The following MIS18A variants were observed in gnomAD, a reference collection of about 807,000 sequenced individuals.
The protein encoded by MIS18A is protein Mis18-alpha.
In MIS18A, 14 loss-of-function variants were observed where a neutral mutation model predicts 25.0. The ratio of observed to expected loss-of-function variants is 0.56; its 90% CI spans 0.37 to 0.88. The LOEUF (loss-of-function observed/expected upper bound fraction) is 0.88, where lower values mean the gene tolerates loss of function less well. MIS18A is among the 40% of genes least tolerant of loss of function. The pLI, the probability that MIS18A is intolerant of heterozygous loss-of-function variation, is 0.00. For synonymous variants in MIS18A, 134 were observed against 118.6 expected (o/e 1.13, Z -0.84); for missense variants, 292 against 290.8 (o/e 1.00, Z -0.03).
intron 2 of MIS18A, among the ~76,000 whole-genome samples, chr21:32,270,885 C>T (rs2031702652): frequency 1.3e-5 from 2 of 152,196 alleles, no homozygotes; most frequent in African/African-American, 4.8e-5. Flanking sequence ...CTCACCTCTG[C>T]CATTGTAAAA....
At chr21:32,210,838 T>C in the MIS18A span, among the ~76,000 whole-genome samples, 1,127 of 152,302 alleles carry the variant, frequency 7.4e-3, 25 homozygotes, top group South Asian at 0.066. Context: ...CACATCACCA[T>C]TCTTGCCTTC....
chr21:32,184,511 T>C, the MIS18A span, among the ~76,000 whole-genome samples: 1 of 151,632 alleles, frequency 6.6e-6, no homozygotes, highest in African/African-American at 2.4e-5. Flanking sequence ...TGTGGAAAGG[T>C]CATCTGAGAC....
chr21:32,234,382 A>G, the MIS18A span, among the ~76,000 whole-genome samples: 1 of 152,112 alleles, frequency 6.6e-6, no homozygotes. Context: ...TGTGCTTCCC[A>G]TAGTCCTAAT....
At chr21:32,222,702 C>A in the MIS18A span, among the ~76,000 whole-genome samples, 1 of 151,930 alleles carries the variant, frequency 6.6e-6, no homozygotes, top group Admixed American at 6.6e-5. Flanking sequence ...GAGGCCAAGG[C>A]GGGCGGGTCA....
At chr21:32,244,509 G>A in the MIS18A span, among the ~76,000 whole-genome samples, 1 of 152,136 alleles carries the variant, frequency 6.6e-6, no homozygotes, top group African/African-American at 2.4e-5. Flanking sequence ...GGCCAAGGTG[G>A]GAGGATCACT....
the MIS18A span, among the ~76,000 whole-genome samples, chr21:32,249,441 A>T: frequency 5.9e-5 from 9 of 152,316 alleles, no homozygotes; most frequent in Admixed American, 4.6e-4. Context: ...TGTTTCTATT[A>T]TACATAGCCA....
the MIS18A span, among the ~76,000 whole-genome samples, chr21:32,190,378 C>A: frequency 6.6e-6 from 1 of 152,156 alleles, no homozygotes; most frequent in East Asian, 1.9e-4. Flanking sequence ...TGGTTCCAAA[C>A]CTTTGTCTGT....
the MIS18A span, among the ~76,000 whole-genome samples, chr21:32,199,572 G>A: frequency 3.3e-5 from 5 of 152,156 alleles, no homozygotes; most frequent in South Asian, 1.0e-3. Context: ...CTTTGAGAGG[G>A]GGAGGCAGGC....
At chr21:32,241,368 TA>T in the MIS18A span, among the ~76,000 whole-genome samples, 3,311 of 88,358 alleles carry the variant, frequency 0.037, 45 homozygotes, top group Non-Finnish European at 0.053. Context: ...TAGCTGACAA[TA>T]AAAAAAAAAA....
chr21:32,242,954 AC>A, the MIS18A span, among the ~76,000 whole-genome samples: 1 of 152,232 alleles, frequency 6.6e-6, no homozygotes, highest in Non-Finnish European at 1.5e-5. Context: ...CTGGAAACAG[AC>A]CCACACAGAC....
At chr21:32,197,079 C>T in the MIS18A span, among the ~76,000 whole-genome samples, 7 of 151,996 alleles carry the variant, frequency 4.6e-5, no homozygotes, top group African/African-American at 9.7e-5. Context: ...ACCTATTGTA[C>T]GAAATGAACT....
the MIS18A span, among the ~76,000 whole-genome samples, chr21:32,210,750 G>C: frequency 0.069 from 10,541 of 152,160 alleles, 396 homozygotes; most frequent in Middle Eastern, 0.11. Context: ...ATTGTTAATA[G>C]AGGCATTAAA....
chr21:32,258,938 A>G, the MIS18A span, among the ~76,000 whole-genome samples: 2 of 152,002 alleles, frequency 1.3e-5, no homozygotes, highest in Non-Finnish European at 2.9e-5. Flanking sequence ...CAGTGGTAAG[A>G]TAACAGCTCA....
At chr21:32,248,951 G>A in the MIS18A span, among the ~76,000 whole-genome samples, 1 of 152,132 alleles carries the variant, frequency 6.6e-6, no homozygotes, top group Non-Finnish European at 1.5e-5. Context: ...GAAAAATGAA[G>A]AAAGGGCTCC....
the MIS18A span, among the ~76,000 whole-genome samples, chr21:32,251,079 T>C: frequency 6.6e-6 from 1 of 152,170 alleles, no homozygotes; most frequent in African/African-American, 2.4e-5. Flanking sequence ...AAGGACCTGT[T>C]TGCTTCCCCT....
At chr21:32,156,250 G>C in the MIS18A span, among the ~76,000 whole-genome samples, 32,810 of 152,124 alleles carry the variant, frequency 0.22, 4,371 homozygotes, top group Non-Finnish European at 0.31. Flanking sequence ...CTGCTTATTA[G>C]GTAGCAAGAT....
At chr21:32,220,162 C>G in the MIS18A span, among the ~76,000 whole-genome samples, 1 of 152,238 alleles carries the variant, frequency 6.6e-6, no homozygotes, top group Non-Finnish European at 1.5e-5. Flanking sequence ...GGGTCCCTGA[C>G]TCCTATGCCT....
At chr21:32,164,479 AGT>A in the MIS18A span, among the ~76,000 whole-genome samples, 3 of 152,210 alleles carry the variant, frequency 2.0e-5, no homozygotes, top group Non-Finnish European at 4.4e-5. Context: ...TATTTAATAT[AGT>A]GTGTTACCCC....
At chr21:32,195,744 G>A in the MIS18A span, among the ~76,000 whole-genome samples, 1 of 152,080 alleles carries the variant, frequency 6.6e-6, no homozygotes, top group Admixed American at 6.5e-5. Flanking sequence ...TCTGGGCAAG[G>A]CACAGTGGCT....
Sources: gnomAD v4.1 joint callset for allele counts (sites outside exome capture counted in the v4.1 genomes callset) on GRCh38, gnomAD v4.1.1 for gene constraint, MANE v1.5 for transcripts, NCBI Gene and HGNC (gene_info 2026-07-23, HGNC 2026-07-21) for gene names.